Variants in FBXO10 observed in about 807,000 individuals in gnomAD.
FBXO10 encodes F-box protein 10.
FBXO10 carries 39 observed loss-of-function variants against 80.7 expected under a neutral mutation model. The ratio of observed to expected loss-of-function variants is 0.48; its 90% CI spans 0.37 to 0.63. The LOEUF (loss-of-function observed/expected upper bound fraction) is 0.63. Among genes scored for constraint, FBXO10 ranks in the 30% least tolerant of loss-of-function variants. The probability of loss-of-function intolerance (pLI) is 0.00; values close to 1 mark genes in which losing one functional copy is unlikely to be tolerated. For synonymous variants in FBXO10, 449 were observed against 489.6 expected (o/e 0.92, Z 1.09); for missense variants, 1,025 against 1,269.0 (o/e 0.81, Z 2.92).
At chr9:37,570,836 T>C (rs1822732471) in intron 1 of FBXO10, among the ~76,000 whole-genome samples, 1 of 151,660 alleles carries the variant, frequency 6.6e-6, no homozygotes. Flanking sequence ...CTACTAAAAA[T>C]ACAAAAAATT....
At chr9:37,558,404 T>G (rs1478449383) in intron 1 of FBXO10, among the ~76,000 whole-genome samples, 1 of 152,210 alleles carries the variant, frequency 6.6e-6, no homozygotes, top group African/African-American at 2.4e-5. Context: ...GAGCCTAGTT[T>G]ACTTTACTAT....
chr9:37,548,821 T>C (rs1444206200), intron 1 of FBXO10, among the ~76,000 whole-genome samples: 1 of 152,124 alleles, frequency 6.6e-6, no homozygotes. Flanking sequence ...CCATCTCGGC[T>C]CACTGCAACC....
chr9:37,567,574 AT>A, intron 1 of FBXO10, among the ~76,000 whole-genome samples: 1 of 152,282 alleles, frequency 6.6e-6, no homozygotes, highest in Admixed American at 6.5e-5. Context: ...ATTCATTCTT[AT>A]TTCATGATCT....
intron 7 of FBXO10, 27 bp from the exon 8 acceptor site, chr9:37,521,865 C>A: frequency 2.0e-6 from 3 of 1,537,838 alleles, no homozygotes; most frequent in Non-Finnish European, 2.6e-6. Context: ...AGCTGGTCAC[C>A]GACACTGAAC....
At chr9:37,538,092 C>T in intron 2 of FBXO10, 149 bp from the exon 3 acceptor site, 1 of 646,852 alleles carries the variant, frequency 1.5e-6, no homozygotes, top group South Asian at 1.9e-5. Flanking sequence ...TCAGCTGTCC[C>T]CAAAAGGAAC....
At chr9:37,526,234 A>G (rs1821467917) in intron 5 of FBXO10, among the ~76,000 whole-genome samples, 1 of 152,162 alleles carries the variant, frequency 6.6e-6, no homozygotes, top group African/African-American at 2.4e-5. Flanking sequence ...TCCAAGGAAA[A>G]AAGAGAAACA....
rs913605032 is a variant in FBXO10 at position 37,511,277 on chromosome 9, C to G, written c.*1270G>C. On this transcript the variant is annotated 3_prime_UTR_variant, in exon 11 of 11. Coordinates refer to ENST00000432825, the MANE Select transcript of FBXO10 (RefSeq NM_012166.3). The stretch of plus-strand genomic sequence containing the variant: ...GCTGGCCCTGCATCCAGCCCTCTTC[C>G]TCAGGCAGTGGGGTCTGACCTCACC... 1 of 152,742 alleles carries G rather than the reference C, an allele frequency of 6.5e-6. No homozygotes were observed. Among genetic ancestry groups the G allele is most frequent in the Non-Finnish European group, 1.5e-5 (1 of 68,392 alleles). 9.5% of individuals were successfully genotyped at this position (152,742 alleles called of 1,614,324 possible).
chr9:37,518,065 C>G, intron 9 of FBXO10, 60 bp downstream of exon 9: 1 of 1,518,844 alleles, frequency 6.6e-7, no homozygotes, highest in Non-Finnish European at 8.9e-7. Context: ...GCCACGAGGA[C>G]TATCCCAGGG....
At chr9:37,533,899 A>G (rs1821690388) in intron 3 of FBXO10, among the ~76,000 whole-genome samples, 1 of 151,754 alleles carries the variant, frequency 6.6e-6, no homozygotes, top group South Asian at 2.1e-4. Flanking sequence ...AAAAAACACA[A>G]CCAACAAACA....
At chr9:37,521,519 G>A (rs988522893) in intron 8 of FBXO10, 50 bp downstream of exon 8, 1 of 1,454,326 alleles carries the variant, frequency 6.9e-7, no homozygotes, top group Admixed American at 2.6e-5. Flanking sequence ...AAAAAAGACA[G>A]TGGGGAGCCA....
intron 1 of FBXO10, among the ~76,000 whole-genome samples, chr9:37,564,616 AAGG>A (rs1391535558): frequency 5.9e-5 from 9 of 152,214 alleles, no homozygotes; most frequent in Admixed American, 1.3e-4. Context: ...CATGCAGTCA[AAGG>A]AGATCATTTT....
chr9:37,553,155 C>A (rs551577869), intron 1 of FBXO10, among the ~76,000 whole-genome samples: 1 of 151,954 alleles, frequency 6.6e-6, no homozygotes, highest in Non-Finnish European at 1.5e-5. Flanking sequence ...AATTCTCCTG[C>A]CTCAGCCTCC....
chr9:37,572,342 T>C (rs1474264715), intron 1 of FBXO10, among the ~76,000 whole-genome samples: 1 of 152,162 alleles, frequency 6.6e-6, no homozygotes, highest in Non-Finnish European at 1.5e-5. Flanking sequence ...TACTCTAACA[T>C]ATATAACCTA....
rs750650998 is a variant in FBXO10, at chr9:37,512,687, G to C, written c.2731C>G (p.Arg911Gly). The C allele has an allele frequency of 1.2e-6, 2 of 1,613,974 alleles. No individual in the cohort carries two copies. Among genetic ancestry groups the C allele is most frequent in the East Asian group, 2.2e-5 (1 of 44,884 alleles). Residue 911 changes from arginine to glycine, a missense_variant, in exon 11 of 11, where the codon CGG becomes GGG. By Grantham distance (125) the Arg-to-Gly change is moderately radical. Transcript: ENST00000432825. ...DTWRLVNPPA[R>G]PHLENSLRRP... is the part of the protein sequence containing the mutation. ...CTGAGAGAATTTTCAAGGTGGGGCC[G>C]TGCTGGTGGGTTCACCAGGCGCCAC...
intron 2 of FBXO10, among the ~76,000 whole-genome samples, chr9:37,538,430 AG>A (rs1254887090): frequency 6.6e-6 from 1 of 152,014 alleles, no homozygotes; most frequent in African/African-American, 2.4e-5. Context: ...GGGCTCTGCC[AG>A]GTGTGGTGGC....
chr9:37,528,064 G>A (rs963308469), intron 5 of FBXO10, among the ~76,000 whole-genome samples: 4 of 152,176 alleles, frequency 2.6e-5, no homozygotes, highest in Non-Finnish European at 5.9e-5. Context: ...GGGGGAAAGC[G>A]CTCTGAATAT....
chr9:37,541,915 C>T, intron 1 of FBXO10, 141 bp from the exon 2 acceptor site: 1 of 686,012 alleles, frequency 1.5e-6, no homozygotes, highest in East Asian at 2.8e-5. Flanking sequence ...CCATAACCTC[C>T]ACCTCCCAGA....
intron 1 of FBXO10, among the ~76,000 whole-genome samples, chr9:37,555,864 T>C (rs1247443042): frequency 6.6e-6 from 1 of 152,228 alleles, no homozygotes; most frequent in Non-Finnish European, 1.5e-5. Context: ...TTACCATTTC[T>C]TTCTTTTTAT....
intron 1 of FBXO10, among the ~76,000 whole-genome samples, chr9:37,547,908 A>AT (rs1369295065): frequency 4.6e-5 from 7 of 152,118 alleles, no homozygotes; most frequent in African/African-American, 1.4e-4. Context: ...CAATAAGCTG[A>AT]TGGTGTCACT....
Sources: allele counts gnomAD v4.1 joint callset (sites outside exome capture counted in the v4.1 genomes callset), GRCh38; gene constraint gnomAD v4.1.1; transcripts MANE v1.5; gene names NCBI Gene and HGNC (gene_info 2026-07-23, HGNC 2026-07-21).